The following USP15 variants were observed in gnomAD, a reference collection of about 807,000 sequenced individuals.
The protein encoded by USP15 is ubiquitin carboxyl-terminal hydrolase 15.
A neutral mutation model predicts 127.1 loss-of-function variants in USP15; 18 were observed. The observed-to-expected ratio is 0.14, with a 90% CI of 0.10 to 0.21. USP15 has a LOEUF of 0.21. USP15 is among the 10% of genes least tolerant of loss of function. The probability of loss-of-function intolerance (pLI) is 1.00; values close to 1 mark genes in which losing one functional copy is unlikely to be tolerated. For missense variants in USP15, 805 were observed against 1,159.9 expected, an observed-to-expected ratio of 0.69 and a Z score of 4.44; for synonymous variants, 364 against 393.7, an observed-to-expected ratio of 0.92 and a Z score of 0.89.
At chr12:62,350,635 C>A (rs1029705882) in intron 7 of USP15, among the ~76,000 whole-genome samples, 1 of 151,908 alleles carries the variant, frequency 6.6e-6, no homozygotes, top group African/African-American at 2.4e-5. Context: ...AAGGGACAAA[C>A]TTTTTTTGAG....
rs184573213 is a variant in USP15, at chr12:62,358,788, G to A, written c.915+3313G>A. On this transcript the variant is annotated intron_variant, in intron 8 of 21. Coordinates refer to ENST00000280377, the MANE Select transcript of USP15 (RefSeq NM_001252078.2). ...ACAATGCAGTATAACAATTAACATA[G>A]CATTTACATTTTATTAAGTATTATA... Among the ~76,000 whole-genome samples the A allele has an allele frequency of 2.9e-3, 447 of 152,168 alleles. 3 individuals are homozygous for A. The highest frequency in any genetic ancestry group is 6.8e-3 in the Middle Eastern group (2 of 294).
intron 6 of USP15, among the ~76,000 whole-genome samples, chr12:62,345,345 A>G (rs1431594145): frequency 6.6e-6 from 1 of 152,136 alleles, no homozygotes; most frequent in African/African-American, 2.4e-5. Flanking sequence ...CCCTTGCTCC[A>G]GTTCACAAGT....
chr12:62,294,950 A>G (rs908788493), intron 2 of USP15, among the ~76,000 whole-genome samples: 2 of 152,170 alleles, frequency 1.3e-5, no homozygotes, highest in African/African-American at 2.4e-5. Flanking sequence ...AAGCCCTCCA[A>G]CTGCCTTCAG....
chr12:62,277,719 A>C (rs889144636), intron 1 of USP15: 1 of 150,036 alleles, frequency 6.7e-6, no homozygotes, highest in Non-Finnish European at 1.5e-5. Flanking sequence ...AAAAAAAATC[A>C]CAAAAAAATC....
In USP15 at chr12:62,415,134, C is replaced by G. The variant is rs1204470707; in HGVS notation, c.*10759C>G. The G allele has an allele frequency of 2.0e-5, 3 of 152,056 alleles. No homozygotes were observed. The highest frequency in any genetic ancestry group is 2.0e-4 in the Admixed American group (3 of 15,268). The allele number at this position is 152,056 out of a possible 1,614,324, so 9.4% of individuals were successfully genotyped here. ...CAATGGTGTAGTTCAAGTCCGAGTC[C>G]AAAGGGTTGAGAACCAGGAAAACCA... is the stretch of plus-strand genomic sequence containing the variant. On this transcript the variant is annotated 3_prime_UTR_variant, in exon 22 of 22. Transcript: ENST00000280377.
At chr12:62,280,423 G>T (rs891176412) in intron 1 of USP15, among the ~76,000 whole-genome samples, 2 of 152,164 alleles carry the variant, frequency 1.3e-5, no homozygotes, top group Non-Finnish European at 2.9e-5. Context: ...AAATTTATTT[G>T]TCACTGTTCT....
At position 62,343,919 on chromosome 12, in the gene USP15, G is replaced by A. The variant is rs116934729; in HGVS notation, c.684-5302G>A. 7.7e-3 allele frequency among the ~76,000 whole-genome samples: 1,173 copies of A among 152,196 alleles called. 15 individuals carry two copies. Among genetic ancestry groups the A allele is most frequent in the East Asian group, 0.056 (290 of 5,162 alleles). ...CCCATTCACTATCACAGAACAGCAT[G>A]GAAAAGACTCGCCTCCATGATTCAG... On this transcript the variant is annotated intron_variant, in intron 6 of 21. Transcript: ENST00000280377.
At chr12:62,313,200 G>A (rs1206032560) in intron 3 of USP15, among the ~76,000 whole-genome samples, 2 of 151,486 alleles carry the variant, frequency 1.3e-5, no homozygotes, top group African/African-American at 4.8e-5. Flanking sequence ...AAATATTCTT[G>A]ATATTTTGTT....
intron 1 of USP15, 96 bp from the exon 2 acceptor site, chr12:62,294,083 C>T: frequency 7.6e-7 from 1 of 1,320,348 alleles, no homozygotes; most frequent in Non-Finnish European, 1.0e-6. Context: ...GTAGATATGT[C>T]TTTTAATATA....
intron 1 of USP15, among the ~76,000 whole-genome samples, chr12:62,282,375 GA>G (rs1212978375): frequency 6.6e-6 from 1 of 152,040 alleles, no homozygotes; most frequent in African/African-American, 2.4e-5. Context: ...TTAGCCACAG[GA>G]AGATTAACAG....
chr12:62,356,228 C>A (rs2066125954), intron 8 of USP15, among the ~76,000 whole-genome samples: 1 of 151,606 alleles, frequency 6.6e-6, no homozygotes, highest in African/African-American at 2.4e-5. Context: ...CTTGTGAATT[C>A]TGGATTTTTA....
At chr12:62,293,822 G>A (rs890058118) in intron 1 of USP15, among the ~76,000 whole-genome samples, 1 of 151,998 alleles carries the variant, frequency 6.6e-6, no homozygotes, top group South Asian at 2.1e-4. Flanking sequence ...TTATTTGCAA[G>A]CTTCTTGTAA....
At chr12:62,358,013 A>G (rs866056804) in intron 8 of USP15, among the ~76,000 whole-genome samples, 10 of 152,262 alleles carry the variant, frequency 6.6e-5, no homozygotes, top group Middle Eastern at 6.8e-3. Context: ...TTTGAAATTG[A>G]AGACGTTCAT....
At chr12:62,354,007 T>C (rs1233003540) in intron 7 of USP15, among the ~76,000 whole-genome samples, 1 of 152,000 alleles carries the variant, frequency 6.6e-6, no homozygotes, top group Non-Finnish European at 1.5e-5. Flanking sequence ...GGAGTTGACC[T>C]CTTTTGTTTG....
At chr12:62,312,222 A>G (rs902673873) in intron 3 of USP15, 1 of 247,726 alleles carries the variant, frequency 4.0e-6, no homozygotes, top group African/African-American at 2.3e-5. Context: ...GCCTGGTATT[A>G]TGAAATTGTT....
intron 19 of USP15, 114 bp from the exon 20 acceptor site, chr12:62,396,181 T>G (rs1217395086): frequency 1.8e-6 from 1 of 556,356 alleles, no homozygotes; most frequent in Non-Finnish European, 2.9e-6. Context: ...TAGATATATA[T>G]AGATGGATAG....
At chr12:62,322,508 TCTAA>T (rs140203780) in intron 5 of USP15, among the ~76,000 whole-genome samples, 33,913 of 151,914 alleles carry the variant, frequency 0.22, 4,086 homozygotes, top group African/African-American at 0.33. Context: ...GATTCTATCT[TCTAA>T]CTGTGTCTTG....
At chr12:62,353,455 CT>C (rs929091312) in intron 7 of USP15, among the ~76,000 whole-genome samples, 9 of 151,822 alleles carry the variant, frequency 5.9e-5, no homozygotes, top group African/African-American at 1.7e-4. Flanking sequence ...TGTAAATGTG[CT>C]TTTAGTCTTT....
At chr12:62,283,807 G>T (rs2063719204) in intron 1 of USP15, among the ~76,000 whole-genome samples, 1 of 152,120 alleles carries the variant, frequency 6.6e-6, no homozygotes, top group South Asian at 2.1e-4. Context: ...GCTGGGCATG[G>T]TGGCACAAGC....
Sources: allele counts gnomAD v4.1 joint callset (sites outside exome capture counted in the v4.1 genomes callset), GRCh38; gene constraint gnomAD v4.1.1; transcripts MANE v1.5; gene names NCBI Gene and HGNC (gene_info 2026-07-23, HGNC 2026-07-21).